The following C16orf46 variants were observed in gnomAD, a reference collection of about 807,000 sequenced individuals.
The protein encoded by C16orf46 is chromosome 16 open reading frame 46.
C16orf46 carries 7 observed loss-of-function variants against 5.5 expected under a neutral mutation model. The observed-to-expected ratio is 1.28, with a 90% CI of 0.73 to 2.40. The LOEUF (loss-of-function observed/expected upper bound fraction) is 2.40, where lower values mean the gene tolerates loss of function less well. Ranked by LOEUF, C16orf46 falls within the 30% of genes most tolerant of loss-of-function variation. C16orf46 has a pLI of 0.00. For missense variants in C16orf46, 614 were observed against 476.0 expected (o/e 1.29, Z -2.70); for synonymous variants, 200 against 184.1 (o/e 1.09, Z -0.70).
At chr16:81,062,280 A>C in intron 3 of C16orf46, 142 bp from the exon 4 acceptor site, 1 of 665,110 alleles carries the variant, frequency 1.5e-6, no homozygotes, top group African/African-American at 1.9e-5. Flanking sequence ...CCCTTCCCCC[A>C]CTAATAATTT....
At chr16:81,073,182 A>T (rs1971913302) in intron 1 of C16orf46, among the ~76,000 whole-genome samples, 1 of 152,206 alleles carries the variant, frequency 6.6e-6, no homozygotes, top group Non-Finnish European at 1.5e-5. Context: ...TATAGAAGGG[A>T]ACAGATGTCT....
At chr16:81,070,710 G>T (rs751399628) in intron 1 of C16orf46, among the ~76,000 whole-genome samples, 5 of 151,918 alleles carry the variant, frequency 3.3e-5, no homozygotes, top group Non-Finnish European at 7.4e-5. Context: ...TTTTTGAGAC[G>T]CAGTTTTGCT....
At chr16:81,062,420 C>A (rs903247313) in intron 3 of C16orf46, among the ~76,000 whole-genome samples, 1 of 152,144 alleles carries the variant, frequency 6.6e-6, no homozygotes, top group Admixed American at 6.5e-5. Context: ...TAAATACTAG[C>A]AAGAGCATTT....
intron 1 of C16orf46, chr16:81,076,440 G>A (rs1434473257): frequency 6.6e-6 from 1 of 152,176 alleles, no homozygotes. Flanking sequence ...GGAACCTCAA[G>A]TATTTCACAG....
chr16:81,071,308 G>C (rs921974094), intron 1 of C16orf46, among the ~76,000 whole-genome samples: 1 of 152,174 alleles, frequency 6.6e-6, no homozygotes, highest in Non-Finnish European at 1.5e-5. Flanking sequence ...TAACCAATAA[G>C]AGCGACCAAC....
intron 1 of C16orf46, among the ~76,000 whole-genome samples, chr16:81,068,233 C>T (rs1291979770): frequency 6.6e-6 from 1 of 152,184 alleles, no homozygotes; most frequent in African/African-American, 2.4e-5. Flanking sequence ...GTGTCTTGCT[C>T]CTGAAATGAA....
intron 3 of C16orf46, among the ~76,000 whole-genome samples, chr16:81,054,751 A>C (rs2549898): frequency 0.96 from 146,741 of 152,204 alleles, 70,945 homozygotes; most frequent in Middle Eastern, 1. Context: ...AGGGTTCAAG[A>C]CCTTCTTATG....
chr16:81,068,423 AAG>A (rs1251088757), intron 1 of C16orf46, among the ~76,000 whole-genome samples: 1 of 152,234 alleles, frequency 6.6e-6, no homozygotes, highest in African/African-American at 2.4e-5. Context: ...ACACTGCCCA[AAG>A]AAAAACCTAT....
chr16:81,063,883 T>C lies in C16orf46; in HGVS notation c.73A>G (p.Thr25Ala). The change falls in exon 3 of 4, where the codon ACA becomes GCA. Residue 25 changes from threonine (T) to alanine (A), a missense_variant. Physicochemically the swap from Thr to Ala is moderately conservative, Grantham distance 58. Transcript: ENST00000299578. ...TCTGGACAAGTATAGGTTGGTTCTG[T>C]TTCTTCTGTGAACTGAATTTCATTA... ...ENNEIQFTEETEPTYTCPDGK... is the reference protein window; with the variant it reads ...ENNEIQFTEEAEPTYTCPDGK... 1.2e-6 allele frequency: 2 copies of C among 1,613,846 alleles called. No homozygotes were observed. The highest frequency in any genetic ancestry group is 1.7e-6 in the Non-Finnish European group (2 of 1,179,834).
chr16:81,061,679 C>T lies in C16orf46; in HGVS notation c.670G>A (p.Val224Ile), dbSNP rs1159518596. 2 of 1,614,186 alleles carry T rather than the reference C, an allele frequency of 1.2e-6. No individual in the cohort carries two copies. The highest frequency in any genetic ancestry group is 1.7e-5 in the Admixed American group (1 of 60,020). Residue 224 changes from valine (V) to isoleucine (I), a missense_variant, in exon 4 of 4, where the codon GTT becomes ATT. Coordinates refer to ENST00000299578, the MANE Select transcript of C16orf46 (RefSeq NM_152337.3). ...GAGTTCTTACTCTTCTTACCCAGAA[C>T]ATCCAAAGCATTTGAAAGTGAAGCC... ...LKASLSNALD[V>I]LGKKSKNSFL...
At chr16:81,063,171 A>C (rs1247706334) in intron 3 of C16orf46, among the ~76,000 whole-genome samples, 1 of 147,588 alleles carries the variant, frequency 6.8e-6, no homozygotes, top group Non-Finnish European at 1.5e-5. Flanking sequence ...TGAACTCAGG[A>C]GGCAGAGGTT....
intron 1 of C16orf46, among the ~76,000 whole-genome samples, chr16:81,071,067 A>T (rs147610797): frequency 1.6e-4 from 25 of 152,208 alleles, no homozygotes; most frequent in Non-Finnish European, 2.6e-4. Flanking sequence ...GTGTGGACAT[A>T]CTTGTTCCTG....
intron 1 of C16orf46, among the ~76,000 whole-genome samples, chr16:81,073,291 T>A (rs965717875): frequency 6.6e-6 from 1 of 152,234 alleles, no homozygotes; most frequent in Non-Finnish European, 1.5e-5. Flanking sequence ...ACAAGCTCCA[T>A]GTCTTTGGAA....
In C16orf46 at chr16:81,053,991, T is replaced by C. The variant is rs1270212114; in HGVS notation, c.*80A>G. On this transcript the variant is annotated 3_prime_UTR_variant, in exon 4 of 4. Transcript: ENST00000378611. ...TCTGGTGATCCGCCGCTTTTCCATG[T>C]CCTGGGTGAAATATTTGCTTTTATG... 6.2e-6 allele frequency: 9 copies of C among 1,451,728 alleles called. No homozygotes were observed. The East Asian group carries it at 2.0e-4, about 33-fold the overall frequency. The allele number at this position is 1,451,728 out of a possible 1,614,324, so 89.9% of individuals were successfully genotyped here.
chr16:81,068,600 A>G (rs1971732332), intron 1 of C16orf46, among the ~76,000 whole-genome samples: 1 of 127,930 alleles, frequency 7.8e-6, no homozygotes, highest in Non-Finnish European at 1.6e-5. Flanking sequence ...GGGTCTCACT[A>G]TATTGACCAG....
Position 81,062,172 on chromosome 16 carries a change from G to A in C16orf46, c.211-34C>T, listed in dbSNP as rs753085120. 6 of 1,521,788 alleles carry A rather than the reference G, an allele frequency of 3.9e-6. No individual in the cohort carries two copies. In the South Asian group the frequency reaches 6.4e-5, roughly 16 times the overall value. The allele number at this position is 1,521,788 out of a possible 1,614,324, so 94.3% of individuals were successfully genotyped here. ...AAAGCGGCATGTTACTCCTCCAGCTGAGGGGCCCAAACTGTCCTTGCCCCA... is the reference window on the plus strand; with the variant it reads ...AAAGCGGCATGTTACTCCTCCAGCTAAGGGGCCCAAACTGTCCTTGCCCCA... On this transcript the variant is annotated intron_variant, in intron 3 of 3. Coordinates refer to ENST00000299578, the MANE Select transcript of C16orf46 (RefSeq NM_152337.3).
At chr16:81,071,546 A>T (rs1971851723) in intron 1 of C16orf46, among the ~76,000 whole-genome samples, 1 of 152,116 alleles carries the variant, frequency 6.6e-6, no homozygotes, top group African/African-American at 2.4e-5. Context: ...CAAGAATTTG[A>T]CAACAGCCAG....
chr16:81,063,880 C>G lies in C16orf46; in HGVS notation c.76G>C (p.Glu26Gln). The change falls in exon 3 of 4, where the codon GAA becomes CAA. Residue 26 changes from glutamate (E) to glutamine (Q), a missense_variant. Physicochemically the swap from Glu to Gln is conservative, Grantham distance 29 (BLOSUM62 2). Coordinates refer to ENST00000299578, the MANE Select transcript of C16orf46 (RefSeq NM_152337.3). ...NNEIQFTEETEPTYTCPDGKS... is the reference protein window; with the variant it reads ...NNEIQFTEETQPTYTCPDGKS... ...CCATCTGGACAAGTATAGGTTGGTTCTGTTTCTTCTGTGAACTGAATTTCA... is the reference window on the plus strand; with the variant it reads ...CCATCTGGACAAGTATAGGTTGGTTGTGTTTCTTCTGTGAACTGAATTTCA... 3.1e-6 allele frequency: 5 copies of G among 1,613,534 alleles called. No individual in the cohort carries two copies. Among genetic ancestry groups the G allele is most frequent in the Middle Eastern group, 3.3e-4 (2 of 6,062 alleles).
intron 3 of C16orf46, 32 bp downstream of exon 3, chr16:81,063,714 A>T: frequency 6.4e-7 from 1 of 1,563,740 alleles, no homozygotes; most frequent in Non-Finnish European, 8.8e-7. Flanking sequence ...TGTGCGAGAG[A>T]CAGAAAAGCT....
Sources: allele counts gnomAD v4.1 joint callset (sites outside exome capture counted in the v4.1 genomes callset), GRCh38; gene constraint gnomAD v4.1.1; transcripts MANE v1.5; gene names NCBI Gene and HGNC (gene_info 2026-07-23, HGNC 2026-07-21).